Variants in LIPJ observed in about 807,000 individuals in gnomAD.
LIPJ encodes lipase member J.
LIPJ carries 33 observed loss-of-function variants against 39.8 expected under a neutral mutation model. The ratio of observed to expected loss-of-function variants is 0.83; its 90% CI spans 0.63 to 1.11. LIPJ has a LOEUF of 1.11. LIPJ is among the 50% of genes least tolerant of loss of function. The pLI is 0.00. For missense variants in LIPJ, 422 were observed against 427.9 expected, an observed-to-expected ratio of 0.99 and a Z score of 0.12; for synonymous variants, 128 against 139.2, an observed-to-expected ratio of 0.92 and a Z score of 0.57.
chr10:88,614,325 G>A, the LIPJ span, among the ~76,000 whole-genome samples: 5 of 152,054 alleles, frequency 3.3e-5, no homozygotes, highest in Non-Finnish European at 7.4e-5. Flanking sequence ...AACAAAATTA[G>A]CCATGAATTG....
At chr10:88,616,703 C>A in the LIPJ span, among the ~76,000 whole-genome samples, 2 of 152,148 alleles carry the variant, frequency 1.3e-5, no homozygotes, top group African/African-American at 2.4e-5. Flanking sequence ...GATGGGTATC[C>A]CGCAACCCCT....
Position 88,606,432 on chromosome 10 carries a change from C to T in LIPJ, c.868-242C>T, listed in dbSNP as rs902224065. Among the ~76,000 whole-genome samples the T allele has an allele frequency of 7.9e-5, 12 of 152,016 alleles. No individual in the cohort carries two copies. The South Asian group carries it at 8.3e-4, about 11-fold the overall frequency. The stretch of plus-strand genomic sequence containing the variant: ...ACTGAAATTACCTCTGTGAAATGTT[C>T]GAATATTTTGAATTAGAACAAACTG... On this transcript the variant is annotated intron_variant, in intron 10 of 10. Transcript: ENST00000371939.
Position 88,600,811 on chromosome 10 carries a change from C to G in LIPJ, c.724-1765C>G, listed in dbSNP as rs148882842. On this transcript the variant is annotated intron_variant, in intron 8 of 10. Coordinates refer to ENST00000371939, the Ensembl canonical transcript of LIPJ. Reference sequence around the variant, plus strand: ...ATGTATTGGTTCACACTTCTGGAGGCTGGGAAGTCCAAGATCAAGGCACTG... The same window carrying G: ...ATGTATTGGTTCACACTTCTGGAGGGTGGGAAGTCCAAGATCAAGGCACTG... Among the ~76,000 whole-genome samples, 89 of 152,272 alleles carry G rather than the reference C, an allele frequency of 5.8e-4. 2 individuals carry two copies. In the East Asian group the frequency reaches 0.015, roughly 26 times the overall value.
chr10:88,599,476 T>TTTTA (rs765738519), intron 8 of LIPJ, among the ~76,000 whole-genome samples: 8 of 152,120 alleles, frequency 5.3e-5, no homozygotes, highest in Non-Finnish European at 1.2e-4. Flanking sequence ...GAGCTCACTC[T>TTTTA]TTTATTTATT....
At chr10:88,595,617 A>G (rs907965276) in intron 6 of LIPJ, among the ~76,000 whole-genome samples, 1 of 151,666 alleles carries the variant, frequency 6.6e-6, no homozygotes, top group African/African-American at 2.4e-5. Context: ...ATAAGAAAAA[A>G]AAGTGAGTAA....
At chr10:88,605,858 C>T (rs1851649087) in intron 10 of LIPJ, among the ~76,000 whole-genome samples, 154 bp downstream of exon 10, 1 of 152,174 alleles carries the variant, frequency 6.6e-6, no homozygotes. Flanking sequence ...CGTATTGTCA[C>T]ATCCAACCAA....
At chr10:88,605,732 A>G (rs1260867350) in intron 10 of LIPJ, 28 bp downstream of exon 10, 2 of 1,451,888 alleles carry the variant, frequency 1.4e-6, no homozygotes, top group East Asian at 2.3e-5. Flanking sequence ...AAAACTCTCT[A>G]CCTTACTGAC....
At chr10:88,585,874 CCATT>C, upstream of LIPJ, 1 of 152,274 alleles carries the variant, frequency 6.6e-6, no homozygotes, top group Non-Finnish European at 1.5e-5. Flanking sequence ...GAATTAAGTT[CCATT>C]CATTCATTTG....
the LIPJ span, among the ~76,000 whole-genome samples, chr10:88,614,344 T>C: frequency 1.3e-5 from 2 of 152,108 alleles, no homozygotes; most frequent in East Asian, 3.8e-4. Context: ...TGATGACTGC[T>C]GAAGGTAGCT....
chr10:88,616,839 T>TG, the LIPJ span, among the ~76,000 whole-genome samples: 1 of 152,166 alleles, frequency 6.6e-6, no homozygotes, highest in African/African-American at 2.4e-5. Flanking sequence ...GGCTACAGTC[T>TG]CTAGAGGACT....
downstream of LIPJ, among the ~76,000 whole-genome samples, chr10:88,610,606 T>G (rs1851736729): frequency 6.6e-6 from 1 of 152,162 alleles, no homozygotes; most frequent in Admixed American, 6.5e-5. Context: ...TTAAAAAATT[T>G]TATAGAATTT....
intron 4 of LIPJ, 28 bp from the exon 5 acceptor site, chr10:88,593,918 T>C (rs1205272016): frequency 1.3e-6 from 2 of 1,570,666 alleles, no homozygotes; most frequent in South Asian, 1.2e-5. Flanking sequence ...ACAAAATTTA[T>C]AAAGAACTTT....
intron 8 of LIPJ, among the ~76,000 whole-genome samples, chr10:88,600,630 G>T (rs1449724461): frequency 1.3e-5 from 2 of 152,144 alleles, no homozygotes; most frequent in Non-Finnish European, 2.9e-5. Context: ...TGTGCTAATT[G>T]TTGGCTGTGT....
chr10:88,588,855 T>C (rs1165469083), intron 2 of LIPJ, among the ~76,000 whole-genome samples: 1 of 151,960 alleles, frequency 6.6e-6, no homozygotes, highest in Non-Finnish European at 1.5e-5. Context: ...TTGCTTTGTA[T>C]GGTTGATGAG....
chr10:88,619,090 C>T, the LIPJ span, among the ~76,000 whole-genome samples: 10 of 151,774 alleles, frequency 6.6e-5, no homozygotes, highest in East Asian at 1.9e-4. Context: ...ATAGGAAGTG[C>T]GCAGATTTAT....
chr10:88,604,449 T>C (rs1351328594), intron 9 of LIPJ, among the ~76,000 whole-genome samples: 1 of 152,136 alleles, frequency 6.6e-6, no homozygotes, highest in Non-Finnish European at 1.5e-5. Flanking sequence ...GTGAGAGAGT[T>C]AGAAAATTAC....
intron 2 of LIPJ, among the ~76,000 whole-genome samples, chr10:88,589,618 C>T (rs941669162): frequency 6.6e-6 from 1 of 151,384 alleles, no homozygotes; most frequent in African/African-American, 2.4e-5. Flanking sequence ...TTTTTTCAAG[C>T]GGTCAGTGCA....
chr10:88,582,957 A>G (rs972082766), upstream of LIPJ: 31 of 1,207,750 alleles, frequency 2.6e-5, no homozygotes, highest in African/African-American at 4.3e-4. Context: ...ACGGCCGCTC[A>G]GGGAGCTGAG....
intron 9 of LIPJ, among the ~76,000 whole-genome samples, chr10:88,603,282 A>C (rs528782122): frequency 6.6e-5 from 10 of 152,232 alleles, no homozygotes; most frequent in African/African-American, 2.4e-4. Flanking sequence ...TTAAAATCTG[A>C]CCGGAACACA....
Sources: allele counts gnomAD v4.1 joint callset (sites outside exome capture counted in the v4.1 genomes callset), GRCh38; gene constraint gnomAD v4.1.1; transcripts MANE v1.5; gene names NCBI Gene and HGNC (gene_info 2026-07-23, HGNC 2026-07-21).